Variants in SKIC3 observed in about 807,000 individuals in gnomAD.
SKIC3 encodes the protein superkiller complex protein 3.
At chr5:95,499,202 C>T in the SKIC3 span, among the ~76,000 whole-genome samples, 1 of 152,088 alleles carries the variant, frequency 6.6e-6, no homozygotes, top group Admixed American at 6.5e-5. Flanking sequence ...ATTGTAATCC[C>T]CAGTGTTGGC....
chr5:95,503,853 C>T, the SKIC3 span: 2 of 1,613,846 alleles, frequency 1.2e-6, no homozygotes, highest in Non-Finnish European at 1.7e-6. Flanking sequence ...ATGAATAAAG[C>T]CAATGCAAAA....
At chr5:95,530,024 G>A in the SKIC3 span, 3 of 1,586,010 alleles carry the variant, frequency 1.9e-6, no homozygotes, top group African/African-American at 2.7e-5. Flanking sequence ...AAGGCTCAAA[G>A]ATAAATGCCT....
chr5:95,523,963 C>CA, the SKIC3 span: 7 of 963,612 alleles, frequency 7.3e-6, no homozygotes, highest in Non-Finnish European at 1.1e-5. Context: ...AAAAATATGC[C>CA]AAAAAATCCT....
the SKIC3 span, chr5:95,509,791 G>T: frequency 1.3e-6 from 1 of 764,228 alleles, no homozygotes; most frequent in Non-Finnish European, 2.3e-6. Context: ...TACCTCTTGA[G>T]ATCACTCACA....
At chr5:95,477,085 T>C in the SKIC3 span, among the ~76,000 whole-genome samples, 2 of 152,200 alleles carry the variant, frequency 1.3e-5, no homozygotes, top group African/African-American at 2.4e-5. Flanking sequence ...TTGAAGGGCA[T>C]GTTATAGGTA....
chr5:95,524,041 A>G, the SKIC3 span, among the ~76,000 whole-genome samples: 1 of 152,212 alleles, frequency 6.6e-6, no homozygotes, highest in Admixed American at 6.5e-5. Flanking sequence ...AAGGAAATAT[A>G]AAAATATTTT....
At chr5:95,464,487 G>T in the SKIC3 span, 1 of 769,480 alleles carries the variant, frequency 1.3e-6, no homozygotes, top group Non-Finnish European at 2.1e-6. Flanking sequence ...AACTTCTCTA[G>T]ATTCCTTTAG....
the SKIC3 span, chr5:95,514,835 CTA>C: frequency 2.5e-6 from 4 of 1,608,816 alleles, no homozygotes; most frequent in African/African-American, 2.7e-5. Context: ...TTATTAGTAA[CTA>C]TATGTTATAT....
chr5:95,493,611 T>A, the SKIC3 span, among the ~76,000 whole-genome samples: 2 of 152,128 alleles, frequency 1.3e-5, no homozygotes, highest in Non-Finnish European at 1.5e-5. Flanking sequence ...TGACTTTTTT[T>A]ACTTAGTTTA....
the SKIC3 span, chr5:95,512,546 G>A: frequency 1.2e-6 from 2 of 1,613,992 alleles, no homozygotes; most frequent in Non-Finnish European, 1.7e-6. Context: ...TACTGGTACA[G>A]CTCTGTTTCT....
the SKIC3 span, among the ~76,000 whole-genome samples, chr5:95,541,545 T>C: frequency 6.6e-6 from 1 of 152,082 alleles, no homozygotes; most frequent in Admixed American, 6.5e-5. Context: ...TTTTCTAAAA[T>C]GAGCTCCTCA....
At chr5:95,543,381 C>T in the SKIC3 span, 2 of 1,578,384 alleles carry the variant, frequency 1.3e-6, no homozygotes, top group Admixed American at 3.3e-5. Flanking sequence ...AGCAAATGAA[C>T]TAACAATAAC....
the SKIC3 span, chr5:95,513,727 C>T: frequency 7.3e-7 from 1 of 1,375,258 alleles, no homozygotes; most frequent in Admixed American, 1.7e-5. Context: ...TCTAGAAGAA[C>T]CAAAGGTTTA....
chr5:95,536,152 C>T, the SKIC3 span, among the ~76,000 whole-genome samples: 7 of 152,200 alleles, frequency 4.6e-5, no homozygotes, highest in African/African-American at 1.7e-4. Flanking sequence ...CATCAGTTCT[C>T]TCTTCCTCCC....
the SKIC3 span, among the ~76,000 whole-genome samples, chr5:95,470,258 G>A: frequency 1.1e-4 from 17 of 152,212 alleles, no homozygotes; most frequent in East Asian, 1.5e-3. Context: ...GATTACAGGC[G>A]TGAGCCACCG....
chr5:95,465,572 A>C, the SKIC3 span, among the ~76,000 whole-genome samples: 6 of 152,234 alleles, frequency 3.9e-5, no homozygotes, highest in South Asian at 4.1e-4. Context: ...CCACAGTTCC[A>C]TAGATACTGC....
chr5:95,551,844 T>C, the SKIC3 span, among the ~76,000 whole-genome samples: 2 of 152,368 alleles, frequency 1.3e-5, no homozygotes, highest in Non-Finnish European at 2.9e-5. Context: ...ATCACTTACC[T>C]GATACACACA....
the SKIC3 span, chr5:95,529,330 C>T: frequency 1.7e-6 from 1 of 577,348 alleles, no homozygotes; most frequent in Non-Finnish European, 3.1e-6. Flanking sequence ...ACTACAAGTG[C>T]TTGCCATCCA....
the SKIC3 span, chr5:95,537,173 C>T: frequency 1.3e-6 from 2 of 1,553,200 alleles, no homozygotes; most frequent in Admixed American, 3.4e-5. Flanking sequence ...TCATCTGTAT[C>T]ATACTTAAAT....
Sources: allele counts gnomAD v4.1 joint callset (sites outside exome capture counted in the v4.1 genomes callset), GRCh38; gene constraint gnomAD v4.1.1; transcripts MANE v1.5; gene names NCBI Gene and HGNC (gene_info 2026-07-23, HGNC 2026-07-21).